EIF2AK3: variants seen among roughly 807,000 people sequenced by gnomAD.
The protein encoded by EIF2AK3 is eukaryotic translation initiation factor 2-alpha kinase 3.
In EIF2AK3, 50 loss-of-function variants were observed where a neutral mutation model predicts 113.5. That is an observed-to-expected ratio of 0.44 (90% CI 0.35 to 0.56). EIF2AK3 has a LOEUF of 0.56. Among genes scored for constraint, EIF2AK3 ranks in the 20% least tolerant of loss-of-function variants. EIF2AK3 has a pLI of 0.00. For synonymous variants in EIF2AK3, 448 were observed against 495.4 expected (o/e 0.90, Z 1.27); for missense variants, 1,185 against 1,378.0 (o/e 0.86, Z 2.22).
intron 1 of EIF2AK3, among the ~76,000 whole-genome samples, chr2:88,626,032 G>C (rs1159147036): frequency 6.6e-6 from 1 of 152,068 alleles, no homozygotes; most frequent in Non-Finnish European, 1.5e-5. Flanking sequence ...GCCTTCCCTA[G>C]TTTAATTTAC....
intron 14 of EIF2AK3, among the ~76,000 whole-genome samples, chr2:88,566,938 T>G (rs778180672): frequency 9.9e-5 from 15 of 151,976 alleles, no homozygotes; most frequent in Non-Finnish European, 1.6e-4. Context: ...ACAAAGACCC[T>G]GTCTCAAAAA....
intron 8 of EIF2AK3, 147 bp from the exon 9 acceptor site, chr2:88,586,208 C>T (rs906523665): frequency 1.5e-6 from 1 of 663,826 alleles, no homozygotes; most frequent in Non-Finnish European, 2.6e-6. Context: ...TTTTAAACAT[C>T]TTAATTTGTC....
At chr2:88,624,975 C>T (rs934329053) in intron 1 of EIF2AK3, 1 of 152,262 alleles carries the variant, frequency 6.6e-6, no homozygotes, top group Non-Finnish European at 1.5e-5. Flanking sequence ...GTTTTCAGTA[C>T]ACACTATTGC....
chr2:88,613,831 A>C lies in EIF2AK3; in HGVS notation c.331T>G (p.Leu111Val). ...TCCAAGGCAGCAATTCTCCCATCTA[A>C]AGTGCTGATAATTACTAATGACCTG... ...RGRSLVIIST[L>V]DGRIAALDPE... Residue 111 changes from leucine to valine, a missense_variant, in exon 2 of 17, where the codon TTA (leucine) becomes GTA (valine). Leu to Val is a conservative substitution (Grantham distance 32). Coordinates refer to ENST00000303236, the MANE Select transcript of EIF2AK3 (RefSeq NM_004836.7). 6.2e-7 allele frequency: 1 copy of C among 1,613,234 alleles called. No homozygotes were observed. Among genetic ancestry groups the C allele is most frequent in the South Asian group, 1.1e-5 (1 of 91,068 alleles).
chr2:88,591,902 C>A (rs1450508333), intron 4 of EIF2AK3, among the ~76,000 whole-genome samples: 1 of 152,018 alleles, frequency 6.6e-6, no homozygotes, highest in African/African-American at 2.4e-5. Context: ...CTTAAAAAAA[C>A]AAAATCCAGT....
intron 2 of EIF2AK3, among the ~76,000 whole-genome samples, chr2:88,600,830 A>G (rs1489414260): frequency 6.6e-6 from 1 of 152,246 alleles, no homozygotes; most frequent in African/African-American, 2.4e-5. Context: ...TCTAACCATA[A>G]GAAAAAATGT....
chr2:88,614,550 CAG>C (rs1675527737), intron 1 of EIF2AK3, among the ~76,000 whole-genome samples: 1 of 152,160 alleles, frequency 6.6e-6, no homozygotes, highest in South Asian at 2.1e-4. Context: ...CTCCTGTGGT[CAG>C]ACTCTAGACC....
chr2:88,611,774 G>A (rs941128960), intron 2 of EIF2AK3, among the ~76,000 whole-genome samples: 13 of 152,114 alleles, frequency 8.5e-5, no homozygotes, highest in African/African-American at 3.1e-4. Context: ...AGGATTACAG[G>A]GGCCTGCCAC....
chr2:88,618,440 TTCGAG>T (rs1675638746), intron 1 of EIF2AK3, among the ~76,000 whole-genome samples: 1 of 152,156 alleles, frequency 6.6e-6, no homozygotes, highest in Non-Finnish European at 1.5e-5. Flanking sequence ...CATGGCTTCA[TTCGAG>T]TTATTTTTTC....
At chr2:88,579,273 C>T (rs1300643855) in intron 11 of EIF2AK3, among the ~76,000 whole-genome samples, 1 of 152,064 alleles carries the variant, frequency 6.6e-6, no homozygotes, top group African/African-American at 2.4e-5. Context: ...TATTATAAGC[C>T]ACTAAACGAA....
At chr2:88,582,043 C>T (rs1213599177) in intron 10 of EIF2AK3, among the ~76,000 whole-genome samples, 4 of 152,166 alleles carry the variant, frequency 2.6e-5, no homozygotes, top group Non-Finnish European at 5.9e-5. Context: ...CATCACCCAC[C>T]ATTACCACCT....
rs533641961 is a variant in EIF2AK3, at chr2:88,600,370, A to G, written c.439-4707T>C. On this transcript the variant is annotated intron_variant, in intron 2 of 16. Coordinates refer to ENST00000303236, the MANE Select transcript of EIF2AK3 (RefSeq NM_004836.7). ...GATAGTCAGCTGCAAATCTCTTGGT[A>G]GAAAAAAATGTAGGTTACGGTGATG... 3.3e-5 allele frequency among the ~76,000 whole-genome samples: 5 copies of G among 152,322 alleles called. No individual in the cohort carries two copies. In the East Asian group the frequency reaches 9.6e-4, roughly 29 times the overall value.
chr2:88,602,725 C>T (rs1675185652), intron 2 of EIF2AK3, among the ~76,000 whole-genome samples: 1 of 152,010 alleles, frequency 6.6e-6, no homozygotes, highest in Admixed American at 6.6e-5. Flanking sequence ...CATTAATGTT[C>T]TCACTTGTAA....
chr2:88,578,441 G>A (rs544025183), intron 11 of EIF2AK3, among the ~76,000 whole-genome samples: 1 of 152,242 alleles, frequency 6.6e-6, no homozygotes, highest in Admixed American at 6.5e-5. Flanking sequence ...CCAGCACTTT[G>A]GGAGGCCAAA....
intron 15 of EIF2AK3, 143 bp from the exon 16 acceptor site, chr2:88,559,122 T>C: frequency 1.7e-6 from 1 of 594,884 alleles, no homozygotes; most frequent in East Asian, 2.9e-5. Flanking sequence ...ATTTAATAAC[T>C]ACATATGTTT....
In EIF2AK3 at chr2:88,579,504, G is replaced by T; in HGVS notation, c.1886+14C>A. The T allele has an allele frequency of 6.2e-7, 1 of 1,613,310 alleles. No homozygotes were observed. The highest frequency in any genetic ancestry group is 1.7e-5 in the Admixed American group (1 of 59,996). On this transcript the variant is annotated intron_variant, in intron 11 of 16. Transcript: ENST00000303236. ...TGTGCTGATTTCAAGTTTACTGAAGGTACCACCCATTACCTATTGGGGAGA... is the reference window on the plus strand; with the variant it reads ...TGTGCTGATTTCAAGTTTACTGAAGTTACCACCCATTACCTATTGGGGAGA...
At chr2:88,573,145 G>C (rs1222113869) in intron 13 of EIF2AK3, among the ~76,000 whole-genome samples, 2 of 148,904 alleles carry the variant, frequency 1.3e-5, no homozygotes, top group South Asian at 2.1e-4. Flanking sequence ...TGGCGCACTA[G>C]AAATCTTTAA....
chr2:88,590,865 C>T lies in EIF2AK3; in HGVS notation c.955G>A (p.Val319Ile). 1.2e-6 allele frequency: 2 copies of T among 1,614,118 alleles called. No homozygotes were observed. The highest frequency in any genetic ancestry group is 1.7e-6 in the Non-Finnish European group (2 of 1,179,994). Residue 319 changes from valine to isoleucine, a missense_variant, in exon 5 of 17, where the codon GTT becomes ATT. By Grantham distance (29) the Val-to-Ile change is conservative. Transcript: ENST00000303236. ...VIKVSVADWK[V>I]MAFSKKGGHL... ...CCTCCCTTCTTACTGAATGCCATAACTTTCCAGTCAGCAACCGAAACCTTT... is the reference window on the plus strand; with the variant it reads ...CCTCCCTTCTTACTGAATGCCATAATTTTCCAGTCAGCAACCGAAACCTTT...
chr2:88,593,549 G>T (rs1373082426), intron 3 of EIF2AK3, 144 bp from the exon 4 acceptor site: 2 of 929,724 alleles, frequency 2.2e-6, no homozygotes, highest in Non-Finnish European at 3.3e-6. Context: ...AGAAGCATCA[G>T]TTAGATTACC....
Sources: allele counts gnomAD v4.1 joint callset (sites outside exome capture counted in the v4.1 genomes callset), GRCh38; gene constraint gnomAD v4.1.1; transcripts MANE v1.5; gene names NCBI Gene and HGNC (gene_info 2026-07-23, HGNC 2026-07-21).